Variants in RCAN1 observed in about 807,000 individuals in gnomAD.
RCAN1 encodes the protein calcipressin-1.
RCAN1 carries 11 observed loss-of-function variants against 22.9 expected under a neutral mutation model. That is an observed-to-expected ratio of 0.48 (90% confidence interval 0.30 to 0.79). The LOEUF (loss-of-function observed/expected upper bound fraction) is 0.79. RCAN1 is among the 30% of genes least tolerant of loss of function. The pLI is 0.06. For synonymous variants in RCAN1, 136 were observed against 142.3 expected, an observed-to-expected ratio of 0.96 and a Z score of 0.32; for missense variants, 291 against 337.8, an observed-to-expected ratio of 0.86 and a Z score of 1.09.
intron 1 of RCAN1, chr21:34,527,048 G>A (rs1406219096): frequency 6.7e-6 from 7 of 1,039,018 alleles, no homozygotes; most frequent in Non-Finnish European, 8.4e-6. Context: ...TGCTTGGGGA[G>A]AATGGAAAAA....
intron 1 of RCAN1, among the ~76,000 whole-genome samples, chr21:34,594,224 T>G (rs1988070803): frequency 6.6e-6 from 1 of 152,068 alleles, no homozygotes. Context: ...TAATCTGTAG[T>G]CAGGGACATA....
In RCAN1 at chr21:34,537,196, T is replaced by C. The variant is rs576866444; in HGVS notation, c.253-13486A>G. ...CACCACAACTTGGATATTATCTCTG[T>C]CCACCCAAAGAGAGAACAACTGTGC... On this transcript the variant is annotated intron_variant, in intron 1 of 3. Transcript: ENST00000313806. 9.2e-5 allele frequency among the ~76,000 whole-genome samples: 14 copies of C among 152,344 alleles called. 1 individual carries two copies. The South Asian group carries it at 2.9e-3, about 32-fold the overall frequency.
chr21:34,536,649 G>T (rs1985684943), intron 1 of RCAN1, among the ~76,000 whole-genome samples: 1 of 149,898 alleles, frequency 6.7e-6, no homozygotes, highest in African/African-American at 2.5e-5. Context: ...GCGCAGTGAG[G>T]GGTCCAGGCA....
chr21:34,523,768 C>A (rs1348704328), intron 1 of RCAN1, 58 bp from the exon 2 acceptor site: 1 of 1,387,460 alleles, frequency 7.2e-7, no homozygotes, highest in Non-Finnish European at 1.0e-6. Context: ...TGACCCTTGA[C>A]TAGATGATGT....
At chr21:34,540,460 TA>T (rs147070501) in intron 1 of RCAN1, among the ~76,000 whole-genome samples, 2,667 of 152,266 alleles carry the variant, frequency 0.018, 78 homozygotes, top group African/African-American at 0.061. Context: ...CACCATTTGT[TA>T]AAGATCTCCC....
chr21:34,548,203 A>G (rs541657403), intron 1 of RCAN1, among the ~76,000 whole-genome samples: 9 of 152,330 alleles, frequency 5.9e-5, no homozygotes, highest in African/African-American at 2.2e-4. Context: ...TCTGAACCAA[A>G]GCCTATAGAT....
At chr21:34,581,358 CAA>C (rs1164095078) in intron 1 of RCAN1, among the ~76,000 whole-genome samples, 3 of 152,088 alleles carry the variant, frequency 2.0e-5, no homozygotes, top group Non-Finnish European at 4.4e-5. Flanking sequence ...AGGAAGACTA[CAA>C]GTTAAGGAGT....
At chr21:34,569,111 G>T (rs1207527150) in intron 1 of RCAN1, among the ~76,000 whole-genome samples, 1 of 152,226 alleles carries the variant, frequency 6.6e-6, no homozygotes, top group Non-Finnish European at 1.5e-5. Context: ...GGGAATTATG[G>T]GAGTACAATT....
Position 34,614,926 on chromosome 21 carries a change from G to C in RCAN1, c.86C>G (p.Thr29Arg), listed in dbSNP as rs1473234498. The C allele has an allele frequency of 1.1e-5, 15 of 1,374,730 alleles. No individual in the cohort carries two copies. In the Admixed American group the frequency reaches 2.3e-4, roughly 21 times the overall value. The allele number at this position is 1,374,730 out of a possible 1,614,324, so 85.2% of individuals were successfully genotyped here. ...AAEARARPGVTLRPFAPLSGA... is the reference protein window; with the variant it reads ...AAEARARPGVRLRPFAPLSGA... ...CGAGAGGGGCGCGAAGGGCCGCAGC[G>C]TCACCCCGGGCCGCGCTCGCGCCTC... Residue 29 changes from threonine to arginine, a missense_variant, in exon 1 of 4, where the codon ACG becomes AGG. Thr to Arg is a moderately conservative substitution (Grantham distance 71, BLOSUM62 -1). Transcript: ENST00000313806. The surrounding 1 kb of genome is among the most constrained non-coding windows in gnomAD (Gnocchi z 6.0).
At chr21:34,541,126 C>T (rs2834515) in intron 1 of RCAN1, among the ~76,000 whole-genome samples, 36,346 of 152,040 alleles carry the variant, frequency 0.24, 5,045 homozygotes, top group African/African-American at 0.38. Flanking sequence ...GATGAGACTG[C>T]AGCTCCAGTG....
intron 1 of RCAN1, among the ~76,000 whole-genome samples, chr21:34,590,132 T>C (rs1987924012): frequency 6.6e-6 from 1 of 152,188 alleles, no homozygotes; most frequent in Admixed American, 6.5e-5. Context: ...TGCCTGGACC[T>C]TACCAGAGAG....
intron 1 of RCAN1, among the ~76,000 whole-genome samples, chr21:34,580,523 C>T (rs1987569620): frequency 6.6e-6 from 1 of 152,228 alleles, no homozygotes. Context: ...GTCACGTCCT[C>T]CGGGTTTCAG....
In RCAN1 at chr21:34,563,075, T is replaced by C. The variant is rs965125431; in HGVS notation, c.253-39365A>G. 2.0e-5 allele frequency among the ~76,000 whole-genome samples: 3 copies of C among 152,332 alleles called. No individual in the cohort carries two copies. The East Asian group carries it at 5.8e-4, about 29-fold the overall frequency. On this transcript the variant is annotated intron_variant, in intron 1 of 3. Coordinates refer to ENST00000313806, the MANE Select transcript of RCAN1 (RefSeq NM_004414.7). ...ACACCATTGCCATCAGTATTGATTG[T>C]GGTGTCCGCTGTTTTCAGGGTAAAG...
At chr21:34,550,559 G>T (rs1175756185) in intron 1 of RCAN1, among the ~76,000 whole-genome samples, 3 of 152,172 alleles carry the variant, frequency 2.0e-5, no homozygotes, top group African/African-American at 7.2e-5. Context: ...TATGAGCCAA[G>T]GAGCAAGGCC....
At chr21:34,606,387 A>G (rs1444812543) in intron 1 of RCAN1, among the ~76,000 whole-genome samples, 3 of 152,186 alleles carry the variant, frequency 2.0e-5, no homozygotes, top group Admixed American at 2.0e-4. Flanking sequence ...TTTACCTGCA[A>G]CTGTCTTGGT....
At position 34,614,119 on chromosome 21, in the gene RCAN1, G is replaced by A. The variant is rs1476029665; in HGVS notation, c.252+641C>T. Among the ~76,000 whole-genome samples the A allele has an allele frequency of 2.0e-5, 3 of 152,180 alleles. No homozygotes were observed. Among genetic ancestry groups the A allele is most frequent in the Non-Finnish European group, 4.4e-5 (3 of 68,034 alleles). ...GCGGGGGAAGGAGTCGACTCCCCATGTACTGGGTGTCCCCGATGGCGGCAA... is the reference window on the plus strand; with the variant it reads ...GCGGGGGAAGGAGTCGACTCCCCATATACTGGGTGTCCCCGATGGCGGCAA... On this transcript the variant is annotated intron_variant, in intron 1 of 3. Transcript: ENST00000313806. This position sits in a 1 kb window ranked among gnomAD's most constrained non-coding sequence, Gnocchi z 6.0.
chr21:34,535,651 C>A (rs1041743985), intron 1 of RCAN1, among the ~76,000 whole-genome samples: 3 of 152,004 alleles, frequency 2.0e-5, no homozygotes, highest in Non-Finnish European at 4.4e-5. Flanking sequence ...GCTGAAGTAT[C>A]TTTTGATACT....
intron 2 of RCAN1, chr21:34,521,862 C>G (rs1984585778): frequency 3.6e-6 from 2 of 561,700 alleles, no homozygotes; most frequent in South Asian, 2.4e-5. Flanking sequence ...GATAGGATGA[C>G]AGCCCCCTCC....
intron 1 of RCAN1, among the ~76,000 whole-genome samples, chr21:34,563,768 AAAAT>A (rs1387088075): frequency 2.3e-4 from 20 of 88,350 alleles, no homozygotes; most frequent in East Asian, 1.3e-3. Flanking sequence ...AAAAAAAAAA[AAAAT>A]ATATATATAT....
Sources: gnomAD v4.1 joint callset for allele counts (sites outside exome capture counted in the v4.1 genomes callset) on GRCh38, gnomAD v4.1.1 for gene constraint, Gnocchi (gnomAD v3.1) non-coding constraint, MANE v1.5 for transcripts, NCBI Gene and HGNC (gene_info 2026-07-23, HGNC 2026-07-21) for gene names.